MMP24: variants seen among roughly 807,000 people sequenced by gnomAD.
MMP24 encodes matrix metalloproteinase-24.
MMP24 carries 25 observed loss-of-function variants against 62.8 expected under a neutral mutation model. That is an observed-to-expected ratio of 0.40 (90% CI 0.29 to 0.56). The LOEUF is 0.56. Ranked by LOEUF, MMP24 falls within the 20% of genes least tolerant of loss-of-function variation. The probability of loss-of-function intolerance (pLI) is 0.50; values close to 1 mark genes in which losing one functional copy is unlikely to be tolerated. For synonymous variants in MMP24, 319 were observed against 350.5 expected (o/e 0.91, Z 1.00); for missense variants, 634 against 853.6 (o/e 0.74, Z 3.21).
chr20:35,249,589 TTTC>T (rs1179854044), intron 2 of MMP24, among the ~76,000 whole-genome samples: 1 of 149,984 alleles, frequency 6.7e-6, no homozygotes, highest in Non-Finnish European at 1.5e-5. Context: ...GGAATAATAA[TTTC>T]TTTTTTTTTT....
intron 1 of MMP24, 102 bp downstream of exon 1, chr20:35,227,086 G>T: frequency 2.2e-6 from 2 of 925,668 alleles, no homozygotes; most frequent in South Asian, 9.5e-5. Flanking sequence ...CTACTGCCGA[G>T]GTCGCGGAGG....
At chr20:35,243,956 GTTACTTTA>G in intron 1 of MMP24, among the ~76,000 whole-genome samples, 1 of 152,118 alleles carries the variant, frequency 6.6e-6, no homozygotes, top group East Asian at 1.9e-4. Flanking sequence ...ACAGAAAGTT[GTTACTTTA>G]TTGTGTATGT....
At chr20:35,265,257 A>G (rs1256100195) in intron 5 of MMP24, among the ~76,000 whole-genome samples, 1 of 152,116 alleles carries the variant, frequency 6.6e-6, no homozygotes, top group Non-Finnish European at 1.5e-5. Context: ...CCTGGCCAAC[A>G]TGGCAAAACC....
chr20:35,258,698 T>C (rs1333928669), intron 4 of MMP24, among the ~76,000 whole-genome samples: 1 of 152,178 alleles, frequency 6.6e-6, no homozygotes, highest in South Asian at 2.1e-4. Context: ...CAAATACATA[T>C]GATGCAGACT....
chr20:35,265,441 CA>C (rs11482676), intron 5 of MMP24, among the ~76,000 whole-genome samples: 8,889 of 125,628 alleles, frequency 0.071, 637 homozygotes, highest in African/African-American at 0.2. Context: ...GACTCCGTCT[CA>C]AAAAAAAAAA....
intron 5 of MMP24, among the ~76,000 whole-genome samples, chr20:35,265,718 C>G (rs967786615): frequency 2.0e-5 from 3 of 150,856 alleles, no homozygotes; most frequent in Admixed American, 6.6e-5. Context: ...TGTCTCTACC[C>G]CCCCAAAAAT....
intron 2 of MMP24, among the ~76,000 whole-genome samples, chr20:35,251,311 G>A (rs1438344107): frequency 6.6e-6 from 1 of 151,742 alleles, no homozygotes; most frequent in Non-Finnish European, 1.5e-5. Context: ...TTTTAGTACA[G>A]ATGGGGTTTC....
intron 3 of MMP24, among the ~76,000 whole-genome samples, chr20:35,253,208 A>C (rs1568615032): frequency 6.6e-6 from 1 of 151,076 alleles, no homozygotes; most frequent in Non-Finnish European, 1.5e-5. Flanking sequence ...GATCTAAGAC[A>C]GAGATCCTCA....
At chr20:35,234,928 AAAGG>A (rs1243747962) in intron 1 of MMP24, among the ~76,000 whole-genome samples, 5 of 152,210 alleles carry the variant, frequency 3.3e-5, no homozygotes, top group African/African-American at 1.2e-4. Flanking sequence ...ACAGGGCTGG[AAAGG>A]TGCATTGGCA....
At chr20:35,252,879 G>T (rs1271298666) in intron 3 of MMP24, among the ~76,000 whole-genome samples, 1 of 141,990 alleles carries the variant, frequency 7.0e-6, no homozygotes, top group African/African-American at 2.6e-5. Context: ...CTGGGGCAAG[G>T]GCCAGGCATG....
At chr20:35,241,509 C>T (rs2060488276) in intron 1 of MMP24, among the ~76,000 whole-genome samples, 1 of 151,568 alleles carries the variant, frequency 6.6e-6, no homozygotes, top group Non-Finnish European at 1.5e-5. Context: ...ACTGGCCCAC[C>T]CCCACCATGT....
intron 5 of MMP24, among the ~76,000 whole-genome samples, chr20:35,265,516 A>T (rs2146234462): frequency 6.6e-6 from 1 of 152,300 alleles, no homozygotes; most frequent in South Asian, 2.1e-4. Flanking sequence ...CTAGTCATAC[A>T]CTAGTATGTA....
chr20:35,270,233 T>TGGGA (rs1462319872), intron 7 of MMP24, among the ~76,000 whole-genome samples: 2 of 151,686 alleles, frequency 1.3e-5, no homozygotes, highest in African/African-American at 2.4e-5. Flanking sequence ...GGGGAGGGTG[T>TGGGA]GGGAGGGAGC....
intron 8 of MMP24, among the ~76,000 whole-genome samples, chr20:35,273,994 G>A (rs1354760056): frequency 6.6e-6 from 1 of 152,160 alleles, no homozygotes; most frequent in Middle Eastern, 3.2e-3. Context: ...CGTGCAAGGG[G>A]TCCTGTCTGG....
At chr20:35,267,470 C>A in intron 6 of MMP24, 51 bp downstream of exon 6, 1 of 1,495,444 alleles carries the variant, frequency 6.7e-7, no homozygotes, top group Non-Finnish European at 9.1e-7. Context: ...CTTTCCTCCT[C>A]CTCCCCGACA....
Position 35,274,698 on chromosome 20 carries a change from C to G in MMP24, c.*89C>G. On this transcript the variant is annotated 3_prime_UTR_variant, in exon 9 of 9. Transcript: ENST00000246186. This position sits in a 1 kb window ranked among gnomAD's most constrained non-coding sequence, Gnocchi z 5.1. The stretch of plus-strand genomic sequence containing the variant: ...AGGGGCAGCTCTGGCCAGTGCTCAC[C>G]AGGGCCAGCAGGGCCCTAGGCTGGG... 9.0e-7 allele frequency: 1 copy of G among 1,115,786 alleles called. No homozygotes were observed. The highest frequency in any genetic ancestry group is 1.6e-5 in the South Asian group (1 of 61,880). 69.1% of individuals were successfully genotyped at this position (1,115,786 alleles called of 1,614,324 possible). A position where few individuals can be genotyped will look rare whatever the true frequency, so the allele number is the denominator to read the frequency against.
intron 1 of MMP24, among the ~76,000 whole-genome samples, chr20:35,233,109 A>C (rs2060445594): frequency 6.6e-6 from 1 of 152,216 alleles, no homozygotes; most frequent in African/African-American, 2.4e-5. Flanking sequence ...CATAAAGGGC[A>C]CCAAAAGTAC....
chr20:35,270,446 G>A (rs2078039642), intron 7 of MMP24, among the ~76,000 whole-genome samples: 2 of 152,246 alleles, frequency 1.3e-5, no homozygotes, highest in African/African-American at 4.8e-5. Context: ...TGGCCACGGA[G>A]GCCCCGCCTT....
rs188898089 is a variant in MMP24 at position 35,276,428 on chromosome 20, G to A, written c.*1819G>A. ...AACTCGTGTTAGGCCCTGGGAGGCC[G>A]ACGGTAACTCTCACCGTGCCCTCAG... is the stretch of plus-strand genomic sequence containing the variant. On this transcript the variant is annotated 3_prime_UTR_variant, in exon 9 of 9. Transcript: ENST00000246186. 63 of 397,868 alleles carry A rather than the reference G, an allele frequency of 1.6e-4. No homozygotes were observed. Among genetic ancestry groups the A allele is most frequent in the African/African-American group, 9.8e-4 (48 of 48,744 alleles). 24.6% of individuals were successfully genotyped at this position (397,868 alleles called of 1,614,324 possible). A position where few individuals can be genotyped will look rare whatever the true frequency, so the allele number is the denominator to read the frequency against.
Sources: gnomAD v4.1 joint callset for allele counts (sites outside exome capture counted in the v4.1 genomes callset) on GRCh38, gnomAD v4.1.1 for gene constraint, Gnocchi (gnomAD v3.1) non-coding constraint, MANE v1.5 for transcripts, NCBI Gene and HGNC (gene_info 2026-07-23, HGNC 2026-07-21) for gene names.